Variants in PRKN observed in about 807,000 individuals in gnomAD.
PRKN encodes E3 ubiquitin-protein ligase parkin.
A neutral mutation model predicts 59.5 loss-of-function variants in PRKN; 56 were observed. That is an observed-to-expected ratio of 0.94 (90% CI 0.76 to 1.18). The LOEUF (loss-of-function observed/expected upper bound fraction) is 1.18, where lower values mean the gene tolerates loss of function less well. Ranked by LOEUF, PRKN falls within the 50% of genes most tolerant of loss-of-function variation. The pLI is 0.00. For missense variants in PRKN, 657 were observed against 596.4 expected (o/e 1.10, Z -1.06); for synonymous variants, 250 against 222.1 (o/e 1.13, Z -1.12).
chr6:162,361,333 C>A (rs1479902107), intron 2 of PRKN, among the ~76,000 whole-genome samples: 3 of 151,802 alleles, frequency 2.0e-5, no homozygotes, highest in African/African-American at 7.3e-5. Context: ...TAGGGCCTTT[C>A]GAAGGTGATT....
chr6:161,782,170 A>G (rs1291398227), intron 7 of PRKN, among the ~76,000 whole-genome samples: 1 of 152,214 alleles, frequency 6.6e-6, no homozygotes, highest in Non-Finnish European at 1.5e-5. Flanking sequence ...AGTGTTTGCC[A>G]GTAAGGAAAA....
intron 3 of PRKN, among the ~76,000 whole-genome samples, chr6:162,220,853 G>A (rs575722851): frequency 6.6e-6 from 1 of 152,298 alleles, no homozygotes; most frequent in South Asian, 2.1e-4. Context: ...AAAGAAACAG[G>A]CATATAGAGA....
At chr6:161,616,208 T>C (rs1562561422) in intron 7 of PRKN, among the ~76,000 whole-genome samples, 1 of 152,216 alleles carries the variant, frequency 6.6e-6, no homozygotes, top group African/African-American at 2.4e-5. Flanking sequence ...TGGTAGCCTT[T>C]GCAGCTCAGA....
intron 1 of PRKN, among the ~76,000 whole-genome samples, chr6:162,579,518 T>G (rs1362055183): frequency 6.8e-6 from 1 of 148,128 alleles, no homozygotes; most frequent in African/African-American, 2.5e-5. Context: ...CACACACAGA[T>G]TCACACAGAT....
At chr6:162,353,762 ATTAC>A (rs1784722222) in intron 2 of PRKN, among the ~76,000 whole-genome samples, 1 of 152,146 alleles carries the variant, frequency 6.6e-6, no homozygotes, top group Non-Finnish European at 1.5e-5. Flanking sequence ...TTGAGCATGT[ATTAC>A]TTAAGTTGTA....
At chr6:161,931,789 C>T (rs962563268) in intron 6 of PRKN, among the ~76,000 whole-genome samples, 2 of 152,142 alleles carry the variant, frequency 1.3e-5, no homozygotes, top group African/African-American at 4.8e-5. Context: ...TTTGTACTTT[C>T]CCCTATGGAA....
rs1332353091 is a variant in PRKN, at chr6:161,467,886, C to T, written c.1083+80968G>A. ...GTGACCATGGAGGTCCCACACTGTC[C>T]GTCAGTTGCATACTTCCAGCTTTTT... On this transcript the variant is annotated intron_variant, in intron 9 of 11. Coordinates refer to ENST00000366898, the MANE Select transcript of PRKN (RefSeq NM_004562.3). The surrounding 1 kb of genome is among the most constrained non-coding windows in gnomAD (Gnocchi z 4.3). 3.9e-5 allele frequency among the ~76,000 whole-genome samples: 6 copies of T among 152,116 alleles called. No individual in the cohort carries two copies. Among genetic ancestry groups the T allele is most frequent in the East Asian group, 3.9e-4 (2 of 5,176 alleles).
chr6:162,373,205 C>A (rs572889687), intron 2 of PRKN, among the ~76,000 whole-genome samples: 6 of 152,126 alleles, frequency 3.9e-5, no homozygotes, highest in African/African-American at 1.4e-4. Flanking sequence ...GCTACTTCAA[C>A]GGAGCTTTCA....
rs1271215336 is a variant in PRKN at position 161,462,451 on chromosome 6, G to C, written c.1084-75574C>G. On this transcript the variant is annotated intron_variant, in intron 9 of 11. Transcript: ENST00000366898. This position sits in a 1 kb window ranked among gnomAD's most constrained non-coding sequence, Gnocchi z 4.5. ...TCCATTACCTTGAAGCTAATGACTA[G>C]CTAAATTAGTTATATGGCCCAAAGC... is the stretch of plus-strand genomic sequence containing the variant. 1.3e-5 allele frequency among the ~76,000 whole-genome samples: 2 copies of C among 152,124 alleles called. No individual in the cohort carries two copies. Among genetic ancestry groups the C allele is most frequent in the African/African-American group, 4.8e-5 (2 of 41,416 alleles).
chr6:161,714,022 T>G (rs1185618353), intron 7 of PRKN, among the ~76,000 whole-genome samples: 1 of 152,166 alleles, frequency 6.6e-6, no homozygotes, highest in Non-Finnish European at 1.5e-5. Flanking sequence ...TGTGGAACTG[T>G]CAGTCCATTA....
intron 9 of PRKN, among the ~76,000 whole-genome samples, chr6:161,490,125 C>T (rs537747415): frequency 1.2e-4 from 18 of 152,302 alleles, no homozygotes; most frequent in Admixed American, 2.0e-4. Context: ...TTTTCCTCCT[C>T]TAGTCAAGTT....
At chr6:162,355,509 A>T (rs2128132277) in intron 2 of PRKN, among the ~76,000 whole-genome samples, 1 of 152,068 alleles carries the variant, frequency 6.6e-6, no homozygotes, top group East Asian at 1.9e-4. Context: ...TAAACAATAC[A>T]TACTGTCTCT....
At chr6:162,151,987 T>C (rs1782292691) in intron 4 of PRKN, among the ~76,000 whole-genome samples, 1 of 152,338 alleles carries the variant, frequency 6.6e-6, no homozygotes, top group East Asian at 1.9e-4. Flanking sequence ...ATGCTTTATG[T>C]ACCCTTAAAT....
chr6:162,568,467 G>C, intron 1 of PRKN: 4 of 639,602 alleles, frequency 6.3e-6, no homozygotes, highest in South Asian at 3.1e-5. Flanking sequence ...TGGAGGCTCT[G>C]GTGGGGCCGG....
intron 9 of PRKN, among the ~76,000 whole-genome samples, chr6:161,537,794 G>T (rs1220187628): frequency 6.6e-6 from 1 of 152,208 alleles, no homozygotes; most frequent in Non-Finnish European, 1.5e-5. Flanking sequence ...TTGATAATGT[G>T]TGTAAGAATT....
Position 161,483,826 on chromosome 6 carries a change from T to A in PRKN, c.1083+65028A>T, listed in dbSNP as rs1435127281. On this transcript the variant is annotated intron_variant, in intron 9 of 11. Coordinates refer to ENST00000366898, the MANE Select transcript of PRKN (RefSeq NM_004562.3). This position sits in a 1 kb window ranked among gnomAD's most constrained non-coding sequence, Gnocchi z 5.0. ...ATAAAGAAAATGTGGTCCATATATA[T>A]CATGGAATACTATGCAACCATAAAA... 6.6e-6 allele frequency among the ~76,000 whole-genome samples: 1 copy of A among 152,170 alleles called. No homozygotes were observed. The highest frequency in any genetic ancestry group is 1.5e-5 in the Non-Finnish European group (1 of 68,034).
intron 6 of PRKN, among the ~76,000 whole-genome samples, chr6:161,886,751 TAA>T (rs11356803): frequency 1.3e-4 from 19 of 144,812 alleles, no homozygotes; most frequent in South Asian, 6.4e-4. Context: ...AATAATAAAA[TAA>T]AAAAAAATAA....
intron 9 of PRKN, among the ~76,000 whole-genome samples, chr6:161,496,980 T>C (rs181786958): frequency 4.0e-4 from 61 of 152,346 alleles, no homozygotes; most frequent in Non-Finnish European, 6.8e-4. Context: ...AGACAACACA[T>C]TTCTGCTGTT....
At chr6:162,675,713 A>AT (rs1224172821) in intron 1 of PRKN, among the ~76,000 whole-genome samples, 3 of 152,196 alleles carry the variant, frequency 2.0e-5, no homozygotes, top group Non-Finnish European at 4.4e-5. Flanking sequence ...CAATTCTCTA[A>AT]TTAATCTGTA....
Sources: gnomAD v4.1 joint callset for allele counts (sites outside exome capture counted in the v4.1 genomes callset) on GRCh38, gnomAD v4.1.1 for gene constraint, Gnocchi (gnomAD v3.1) non-coding constraint, MANE v1.5 for transcripts, NCBI Gene and HGNC (gene_info 2026-07-23, HGNC 2026-07-21) for gene names.